MAP3K3: variants seen among roughly 807,000 people sequenced by gnomAD.
The protein encoded by MAP3K3 is mitogen-activated protein kinase kinase kinase 3, also known as MAP/ERK kinase kinase 3.
Under a neutral mutation model 80.9 loss-of-function variants are expected in MAP3K3, and 12 were observed. That is an observed-to-expected ratio of 0.15 (90% CI 0.10 to 0.24). The LOEUF (loss-of-function observed/expected upper bound fraction) is 0.24. Ranked by LOEUF, MAP3K3 falls within the 10% of genes least tolerant of loss-of-function variation. MAP3K3 has a pLI of 1.00. For missense variants in MAP3K3, 596 were observed against 834.7 expected, an observed-to-expected ratio of 0.71 and a Z score of 3.52; for synonymous variants, 272 against 307.1, an observed-to-expected ratio of 0.89 and a Z score of 1.19.
chr17:63,686,387 G>A (rs1287908360), intron 8 of MAP3K3, among the ~76,000 whole-genome samples: 2 of 152,188 alleles, frequency 1.3e-5, no homozygotes, highest in Non-Finnish European at 2.9e-5. Context: ...ATAGAATACA[G>A]TCATGGTTAC....
At chr17:63,656,961 G>T (rs2034783541) in intron 4 of MAP3K3, among the ~76,000 whole-genome samples, 1 of 152,138 alleles carries the variant, frequency 6.6e-6, no homozygotes, top group South Asian at 2.1e-4. Context: ...AGAGAGAAGT[G>T]CCAAGCAAAG....
chr17:63,627,508 T>C (rs1190611609), intron 1 of MAP3K3, among the ~76,000 whole-genome samples: 1 of 151,752 alleles, frequency 6.6e-6, no homozygotes, highest in East Asian at 1.9e-4. Context: ...AGTGGCACGA[T>C]CTCAGTTCAC....
chr17:63,689,450 C>T lies in MAP3K3; in HGVS notation c.872-94C>T. ...GCTGAGACCTGGTTTGTATATTCCG[C>T]CTTGTAGCCCGGGGTGTCTCAGACC... On this transcript the variant is annotated intron_variant, in intron 10 of 15. Transcript: ENST00000361733. This position sits in a 1 kb window ranked among gnomAD's most constrained non-coding sequence, Gnocchi z 4.3. 2 of 1,112,586 alleles carry T rather than the reference C, an allele frequency of 1.8e-6. No individual in the cohort carries two copies. Among genetic ancestry groups the T allele is most frequent in the Non-Finnish European group, 2.6e-6 (2 of 779,038 alleles). 68.9% of individuals were successfully genotyped at this position (1,112,586 alleles called of 1,614,324 possible).
intron 5 of MAP3K3, among the ~76,000 whole-genome samples, chr17:63,658,738 T>A (rs2034823425): frequency 1.1e-5 from 1 of 88,050 alleles, no homozygotes; most frequent in Admixed American, 1.0e-4. Context: ...TCTTTTCTTT[T>A]TTTTTTTTTT....
chr17:63,662,433 C>T (rs1391909208), intron 5 of MAP3K3, among the ~76,000 whole-genome samples: 4 of 151,626 alleles, frequency 2.6e-5, no homozygotes, highest in African/African-American at 7.3e-5. Flanking sequence ...GTAATAATAA[C>T]AACACCTAGC....
chr17:63,692,221 C>G lies in MAP3K3; in HGVS notation c.1475-21C>G. 1 of 1,613,526 alleles carries G rather than the reference C, an allele frequency of 6.2e-7. No individual in the cohort carries two copies. Among genetic ancestry groups the G allele is most frequent in the African/African-American group, 1.3e-5 (1 of 75,002 alleles). On this transcript the variant is annotated intron_variant, in intron 14 of 15. Coordinates refer to ENST00000361733, the MANE Select transcript of MAP3K3 (RefSeq NM_002401.5). This position sits in a 1 kb window ranked among gnomAD's most constrained non-coding sequence, Gnocchi z 4.5. ...ATGCAAGAGGGTCCAGGGTTGCAGCCTCTGCCCTTTCATGCCTCAGGAGCC... is the reference window on the plus strand; with the variant it reads ...ATGCAAGAGGGTCCAGGGTTGCAGCGTCTGCCCTTTCATGCCTCAGGAGCC...
At chr17:63,679,520 T>TC (rs1176411502) in intron 6 of MAP3K3, among the ~76,000 whole-genome samples, 2 of 152,200 alleles carry the variant, frequency 1.3e-5, no homozygotes, top group Admixed American at 1.3e-4. Flanking sequence ...TCGCACTCTA[T>TC]CACCTATGCT....
chr17:63,679,732 G>A (rs957380060), intron 6 of MAP3K3, among the ~76,000 whole-genome samples: 3 of 152,078 alleles, frequency 2.0e-5, no homozygotes, highest in Admixed American at 6.5e-5. Flanking sequence ...CCTGCCTCTC[G>A]AAGTGTCGGG....
At position 63,689,744 on chromosome 17, in the gene MAP3K3, C is replaced by T; in HGVS notation, c.1063+9C>T. On this transcript the variant is annotated intron_variant, in intron 11 of 15. Transcript: ENST00000361733. This position sits in a 1 kb window ranked among gnomAD's most constrained non-coding sequence, Gnocchi z 4.3. Reference sequence around the variant, plus strand: ...GAATGTGCCAACCAAGTGTGAGGAGCTGTCCCTGGCTAGGAGGAGACTGCC... The same window carrying T: ...GAATGTGCCAACCAAGTGTGAGGAGTTGTCCCTGGCTAGGAGGAGACTGCC... The T allele has an allele frequency of 6.2e-7, 1 of 1,603,394 alleles. No individual in the cohort carries two copies. The highest frequency in any genetic ancestry group is 8.5e-7 in the Non-Finnish European group (1 of 1,172,898).
intron 2 of MAP3K3, among the ~76,000 whole-genome samples, chr17:63,640,458 C>T (rs957904081): frequency 6.6e-6 from 1 of 152,110 alleles, no homozygotes; most frequent in African/African-American, 2.4e-5. Flanking sequence ...CTGTTATCTG[C>T]AGTTCTGAGA....
At chr17:63,670,047 G>A (rs1434674826) in intron 6 of MAP3K3, among the ~76,000 whole-genome samples, 1 of 151,544 alleles carries the variant, frequency 6.6e-6, no homozygotes, top group Non-Finnish European at 1.5e-5. Context: ...AGGTTTCAGT[G>A]AGCCATGAAT....
intron 6 of MAP3K3, among the ~76,000 whole-genome samples, chr17:63,670,603 AAAAAAG>A (rs2143485826): frequency 6.7e-6 from 1 of 150,246 alleles, no homozygotes; most frequent in African/African-American, 2.4e-5. Context: ...AAAAAAAAAA[AAAAAAG>A]AAAGAAAGAA....
chr17:63,661,581 C>T (rs1054227920), intron 5 of MAP3K3, among the ~76,000 whole-genome samples: 2 of 152,218 alleles, frequency 1.3e-5, no homozygotes, highest in African/African-American at 4.8e-5. Context: ...TCTTTTGTAA[C>T]TTGTATTTGT....
intron 6 of MAP3K3, among the ~76,000 whole-genome samples, chr17:63,669,790 TTTTG>T (rs2035068050): frequency 1.3e-5 from 2 of 152,182 alleles, no homozygotes; most frequent in Non-Finnish European, 2.9e-5. Context: ...CATACTACGT[TTTTG>T]TTCATTCATT....
At position 63,689,396 on chromosome 17, in the gene MAP3K3, G is replaced by A; in HGVS notation, c.872-148G>A. The A allele has an allele frequency of 1.5e-6, 1 of 646,378 alleles. No individual in the cohort carries two copies. Among genetic ancestry groups the A allele is most frequent in the Non-Finnish European group, 2.6e-6 (1 of 377,526 alleles). The allele number at this position is 646,378 out of a possible 1,614,324, so 40.0% of individuals were successfully genotyped here. ...TCAGGTGGGAGTGCGGACGGGATGGGCTGGAGCTGGTATTATCTATCACTT... is the reference window on the plus strand; with the variant it reads ...TCAGGTGGGAGTGCGGACGGGATGGACTGGAGCTGGTATTATCTATCACTT... On this transcript the variant is annotated intron_variant, in intron 10 of 15. Transcript: ENST00000361733. This position sits in a 1 kb window ranked among gnomAD's most constrained non-coding sequence, Gnocchi z 4.3.
chr17:63,665,021 AGCTGGGCAT>A (rs1399635275), intron 5 of MAP3K3, among the ~76,000 whole-genome samples: 1 of 152,122 alleles, frequency 6.6e-6, no homozygotes, highest in Non-Finnish European at 1.5e-5. Context: ...CTCCACAGGC[AGCTGGGCAT>A]GGTCGCTCAC....
intron 7 of MAP3K3, among the ~76,000 whole-genome samples, chr17:63,683,628 G>A (rs1287587925): frequency 6.6e-6 from 1 of 152,198 alleles, no homozygotes; most frequent in South Asian, 2.1e-4. Context: ...TGCCTCTTTA[G>A]CTGAAGAGAA....
At chr17:63,664,399 A>G (rs2034960434) in intron 5 of MAP3K3, among the ~76,000 whole-genome samples, 1 of 152,132 alleles carries the variant, frequency 6.6e-6, no homozygotes, top group Admixed American at 6.6e-5. Flanking sequence ...AAAACAGAGG[A>G]CTGGACAGGA....
At chr17:63,690,183 A>C in intron 11 of MAP3K3, 81 bp from the exon 12 acceptor site, 10 of 1,502,358 alleles carry the variant, frequency 6.7e-6, no homozygotes, top group South Asian at 1.3e-5. Flanking sequence ...AGCCTGAGCC[A>C]GAGACCCTGT....
Sources: allele counts gnomAD v4.1 joint callset (sites outside exome capture counted in the v4.1 genomes callset), GRCh38; gene constraint gnomAD v4.1.1; non-coding constraint Gnocchi (gnomAD v3.1); transcripts MANE v1.5; gene names NCBI Gene and HGNC (gene_info 2026-07-23, HGNC 2026-07-21).